The following SMIM20 variants were observed in gnomAD, a reference collection of about 807,000 sequenced individuals.
SMIM20 encodes the protein mitochondrial translation regulation assembly intermediate of cytochrome c oxidase protein of 7 kDa.
A neutral mutation model predicts 8.7 loss-of-function variants in SMIM20; 3 were observed. That is an observed-to-expected ratio of 0.34 (90% confidence interval 0.16 to 0.89). The LOEUF is 0.89. SMIM20 is among the 40% of genes least tolerant of loss of function. SMIM20 has a pLI of 0.49. For missense variants in SMIM20, 85 were observed against 84.8 expected, an observed-to-expected ratio of 1.00 and a Z score of -0.01; for synonymous variants, 44 against 33.6, an observed-to-expected ratio of 1.31 and a Z score of -1.07.
chr4:25,929,005 C>A, intron 2 of SMIM20, 149 bp from the exon 3 acceptor site: 1 of 889,442 alleles, frequency 1.1e-6, no homozygotes, highest in Non-Finnish European at 1.7e-6. Context: ...CCATTTAATG[C>A]CAAGGTTCCG....
chr4:25,926,324 C>T (rs540410399), intron 1 of SMIM20, among the ~76,000 whole-genome samples: 1 of 152,212 alleles, frequency 6.6e-6, no homozygotes, highest in East Asian at 1.9e-4. Flanking sequence ...ACTGCTTTGG[C>T]CTTAGAGTAT....
chr4:25,916,430 T>C (rs543212212), intron 1 of SMIM20, among the ~76,000 whole-genome samples: 6 of 152,282 alleles, frequency 3.9e-5, no homozygotes, highest in African/African-American at 1.2e-4. Context: ...CAGGCTGGTC[T>C]CGAACTCCTG....
intron 1 of SMIM20, among the ~76,000 whole-genome samples, chr4:25,914,760 C>T (rs6830804): frequency 0.057 from 8,712 of 152,292 alleles, 305 homozygotes; most frequent in Middle Eastern, 0.15. Flanking sequence ...ATGCCTATTA[C>T]ACGTCAGGTT....
chr4:25,929,150 A>T lies in SMIM20; in HGVS notation c.167-4A>T. The T allele has an allele frequency of 6.4e-7, 1 of 1,551,838 alleles. No individual in the cohort carries two copies. Among genetic ancestry groups the T allele is most frequent in the Non-Finnish European group, 8.7e-7 (1 of 1,146,894 alleles). On this transcript the variant is annotated splice_region_variant and splice_polypyrimidine_tract_variant and intron_variant, in intron 2 of 2. Coordinates refer to ENST00000506197, the MANE Select transcript of SMIM20 (RefSeq NM_001145432.3). The stretch of plus-strand genomic sequence containing the variant: ...CCTGTTTTTGTTCCTGTTTCTTTCC[A>T]TAGGGTTAAAAGTGTGGTCTGATCC...
chr4:25,926,370 G>A (rs1305576309), intron 1 of SMIM20, among the ~76,000 whole-genome samples: 1 of 152,232 alleles, frequency 6.6e-6, no homozygotes, highest in African/African-American at 2.4e-5. Context: ...ACCAGGGGAT[G>A]TAGATAGGAT....
chr4:25,916,055 A>G (rs913107697), intron 1 of SMIM20, among the ~76,000 whole-genome samples: 1 of 152,164 alleles, frequency 6.6e-6, no homozygotes, highest in East Asian at 1.9e-4. Context: ...TATCCCAGCA[A>G]CAGTCTTTTA....
At chr4:25,924,708 C>T (rs1340974768) in intron 1 of SMIM20, among the ~76,000 whole-genome samples, 1 of 152,134 alleles carries the variant, frequency 6.6e-6, no homozygotes, top group Admixed American at 6.5e-5. Context: ...AGGTCAAAGA[C>T]ATTGTGAGCT....
Position 25,921,594 on chromosome 4 carries a change from C to G in SMIM20, c.110-6719C>G, listed in dbSNP as rs113711326. Among the ~76,000 whole-genome samples, 24 of 152,270 alleles carry G rather than the reference C, an allele frequency of 1.6e-4. 1 individual carries two copies. The highest frequency in any genetic ancestry group is 5.5e-4 in the African/African-American group (23 of 41,536). On this transcript the variant is annotated intron_variant, in intron 1 of 2. Coordinates refer to ENST00000506197, the MANE Select transcript of SMIM20 (RefSeq NM_001145432.3). ...TTGAGGCTGAGGTAGCTGATGTGCT[C>G]TTTGAGATTTCCCATAGACAATGGA...
rs75640769 is a variant in SMIM20, at chr4:25,919,954, C to T, written c.109+5532C>T. Among the ~76,000 whole-genome samples the T allele has an allele frequency of 4.7e-3, 714 of 152,290 alleles. 4 individuals are homozygous for T. The highest frequency in any genetic ancestry group is 6.5e-3 in the Non-Finnish European group (442 of 68,026). On this transcript the variant is annotated intron_variant, in intron 1 of 2. Transcript: ENST00000506197. Reference sequence around the variant, plus strand: ...TTCACCCGCGTTCTTTACTCACCGACGCTGCTTACATTTCACTCCTTTCTA... The same window carrying T: ...TTCACCCGCGTTCTTTACTCACCGATGCTGCTTACATTTCACTCCTTTCTA...
At chr4:25,928,272 G>GC (rs888881445) in intron 1 of SMIM20, 41 bp from the exon 2 acceptor site, 12 of 1,531,488 alleles carry the variant, frequency 7.8e-6, no homozygotes, top group Admixed American at 6.2e-5. Context: ...CTCTCTCCCC[G>GC]CCCCCCTTCT....
chr4:25,919,113 C>A (rs1468777040), intron 1 of SMIM20, among the ~76,000 whole-genome samples: 3 of 149,238 alleles, frequency 2.0e-5, no homozygotes, highest in Non-Finnish European at 4.5e-5. Flanking sequence ...ACCTTGTTAG[C>A]CAGGATGGTC....
At chr4:25,926,341 A>T (rs927076378) in intron 1 of SMIM20, among the ~76,000 whole-genome samples, 1 of 152,238 alleles carries the variant, frequency 6.6e-6, no homozygotes, top group East Asian at 1.9e-4. Context: ...GTATTTATAA[A>T]ACATTAATGG....
chr4:25,915,821 T>A (rs902311775), intron 1 of SMIM20, among the ~76,000 whole-genome samples: 1 of 131,556 alleles, frequency 7.6e-6, no homozygotes, highest in African/African-American at 2.9e-5. Flanking sequence ...TTTGGCTCAA[T>A]CTGGAGACAT....
In SMIM20 at chr4:25,928,360, C is replaced by A; in HGVS notation, c.157C>A (p.Gln53Lys). ...GGCTGGAATTGTTCAAGAGGATGTG[C>A]AGCCACCAGGTAAACTGAAAAAAAA... is the stretch of plus-strand genomic sequence containing the variant. Reference protein sequence around the residue: ...NRAGIVQEDVQPPGLKVWSDP... With the variant: ...NRAGIVQEDVKPPGLKVWSDP... Residue 53 changes from glutamine to lysine, a missense_variant, in exon 2 of 3, where the codon CAG becomes AAG. By Grantham distance (53) the Gln-to-Lys change is moderately conservative. Coordinates refer to ENST00000506197, the MANE Select transcript of SMIM20 (RefSeq NM_001145432.3). 6.5e-7 allele frequency: 1 copy of A among 1,549,192 alleles called. No homozygotes were observed. Among genetic ancestry groups the A allele is most frequent in the Non-Finnish European group, 8.7e-7 (1 of 1,146,042 alleles).
intron 1 of SMIM20, among the ~76,000 whole-genome samples, chr4:25,918,652 A>G (rs1719140693): frequency 6.6e-6 from 1 of 151,836 alleles, no homozygotes; most frequent in African/African-American, 2.4e-5. Context: ...CTGGGATTAC[A>G]GGTGCCCACC....
At chr4:25,928,286 GA>G (rs1347803670) in intron 1 of SMIM20, 26 bp from the exon 2 acceptor site, 6 of 1,546,564 alleles carry the variant, frequency 3.9e-6, no homozygotes, top group Non-Finnish European at 2.6e-6. Flanking sequence ...CCCTTCTAAA[GA>G]ATGATTTTTC....
intron 1 of SMIM20, among the ~76,000 whole-genome samples, chr4:25,918,188 T>C (rs914705807): frequency 6.6e-6 from 1 of 152,026 alleles, no homozygotes; most frequent in African/African-American, 2.4e-5. Flanking sequence ...GTGATCCGCC[T>C]GCCTCGGCCT....
Position 25,928,354 on chromosome 4 carries a change from G to T in SMIM20, c.151G>T (p.Asp51Tyr), listed in dbSNP as rs1560389042. The T allele has an allele frequency of 1.3e-6, 2 of 1,549,638 alleles. No homozygotes were observed. Among genetic ancestry groups the T allele is most frequent in the Non-Finnish European group, 8.7e-7 (1 of 1,146,164 alleles). The stretch of plus-strand genomic sequence containing the variant: ...AAATCGGGCTGGAATTGTTCAAGAG[G>T]ATGTGCAGCCACCAGGTAAACTGAA... ...AINRAGIVQE[D>Y]VQPPGLKVWS... Residue 51 changes from aspartate to tyrosine, a missense_variant, in exon 2 of 3, where the codon GAT becomes TAT. Coordinates refer to ENST00000506197, the MANE Select transcript of SMIM20 (RefSeq NM_001145432.3).
intron 1 of SMIM20, among the ~76,000 whole-genome samples, chr4:25,927,214 C>T (rs1206004131): frequency 1.3e-5 from 2 of 152,232 alleles, no homozygotes; most frequent in African/African-American, 4.8e-5. Context: ...CCCTCTTAGA[C>T]TTGGATATCA....
Sources: gnomAD v4.1 joint callset for allele counts (sites outside exome capture counted in the v4.1 genomes callset) on GRCh38, gnomAD v4.1.1 for gene constraint, MANE v1.5 for transcripts, NCBI Gene and HGNC (gene_info 2026-07-23, HGNC 2026-07-21) for gene names.